MAPT: variants seen among roughly 807,000 people sequenced by gnomAD.
MAPT encodes microtubule-associated protein tau.
MAPT carries 34 observed loss-of-function variants against 67.9 expected under a neutral mutation model. That is an observed-to-expected ratio of 0.50 (90% CI 0.38 to 0.67). MAPT has a LOEUF of 0.67. MAPT is among the 30% of genes least tolerant of loss of function. The pLI is 0.00. For missense variants in MAPT, 881 were observed against 1,115.2 expected (o/e 0.79, Z 2.99); for synonymous variants, 456 against 464.5 (o/e 0.98, Z 0.23).
At chr17:46,015,658 CAAAACA>C (rs546352999) in intron 11 of MAPT, among the ~76,000 whole-genome samples, 127 of 151,986 alleles carry the variant, frequency 8.4e-4, no homozygotes, top group South Asian at 1.9e-3. Context: ...GACTCCGTCT[CAAAACA>C]AAAACAAAAA....
chr17:45,954,397 G>A (rs1163623364), intron 1 of MAPT, among the ~76,000 whole-genome samples: 1 of 152,138 alleles, frequency 6.6e-6, no homozygotes, highest in Non-Finnish European at 1.5e-5. Context: ...CGAGGCAGGC[G>A]GATCGCTTGA....
intron 1 of MAPT, among the ~76,000 whole-genome samples, chr17:45,955,859 C>T (rs968749000): frequency 1.3e-5 from 2 of 152,170 alleles, no homozygotes; most frequent in African/African-American, 2.4e-5. Flanking sequence ...CCTCAGCTTC[C>T]CAAGTAGCTG....
Position 45,971,806 on chromosome 17 carries a change from A to C in MAPT, c.134-53A>C. 7.7e-7 allele frequency: 1 copy of C among 1,291,686 alleles called. No individual in the cohort carries two copies. Among genetic ancestry groups the C allele is most frequent in the East Asian group, 2.3e-5 (1 of 43,384 alleles). 80.0% of individuals were successfully genotyped at this position (1,291,686 alleles called of 1,614,324 possible). ...CTCCCCAGTTCCTCCTGAGAACAAAAGGGGGCGCTGGGGAGAGGCCACCGT... is the reference window on the plus strand; with the variant it reads ...CTCCCCAGTTCCTCCTGAGAACAAACGGGGGCGCTGGGGAGAGGCCACCGT... On this transcript the variant is annotated intron_variant, in intron 2 of 12. Transcript: ENST00000262410. This position sits in a 1 kb window ranked among gnomAD's most constrained non-coding sequence, Gnocchi z 4.3.
At chr17:45,993,905 G>C (rs574105727) in intron 8 of MAPT, 3 of 1,559,722 alleles carry the variant, frequency 1.9e-6, no homozygotes, top group Non-Finnish European at 1.7e-6. Context: ...TAAGGCTTTC[G>C]TGGATTTTTC....
At chr17:45,939,732 CTGAGCGTCGA>C (rs2067686305) in intron 1 of MAPT, among the ~76,000 whole-genome samples, 1 of 152,112 alleles carries the variant, frequency 6.6e-6, no homozygotes, top group Non-Finnish European at 1.5e-5. Context: ...TGACTTCAGC[CTGAGCGTCGA>C]GGACCAAGTC....
At chr17:45,939,938 A>C (rs1409359713) in intron 1 of MAPT, among the ~76,000 whole-genome samples, 1 of 152,180 alleles carries the variant, frequency 6.6e-6, no homozygotes, top group Admixed American at 6.6e-5. Context: ...GACCTAACTC[A>C]CTTTAGCATA....
At chr17:45,926,938 C>CAT (rs745356057) in intron 1 of MAPT, among the ~76,000 whole-genome samples, 36 of 111,738 alleles carry the variant, frequency 3.2e-4, no homozygotes, top group East Asian at 1.4e-3. Flanking sequence ...CATATATACA[C>CAT]ATATATATAC....
chr17:46,006,109 G>A (rs2075390308), intron 9 of MAPT, among the ~76,000 whole-genome samples: 1 of 152,202 alleles, frequency 6.6e-6, no homozygotes, highest in Non-Finnish European at 1.5e-5. Flanking sequence ...GGAAGAATTT[G>A]AGTATCTAAA....
At chr17:45,992,474 G>A (rs17651887) in intron 8 of MAPT, among the ~76,000 whole-genome samples, 22,050 of 152,224 alleles carry the variant, frequency 0.14, 2,140 homozygotes, top group Non-Finnish European at 0.22. Context: ...AAAACCTGAG[G>A]GTCTTAGCTG....
intron 1 of MAPT, among the ~76,000 whole-genome samples, chr17:45,937,862 G>A (rs2067490783): frequency 6.6e-6 from 1 of 152,098 alleles, no homozygotes; most frequent in African/African-American, 2.4e-5. Flanking sequence ...TCCCAGCTGA[G>A]GACTTAGACA....
chr17:45,994,161 A>G (rs1436736361), intron 8 of MAPT, among the ~76,000 whole-genome samples: 1 of 152,158 alleles, frequency 6.6e-6, no homozygotes, highest in Non-Finnish European at 1.5e-5. Flanking sequence ...TGTTTGTCTG[A>G]TGGGCTTTCT....
At chr17:45,990,619 C>T (rs928941810) in intron 7 of MAPT, 17 of 335,628 alleles carry the variant, frequency 5.1e-5, no homozygotes, top group African/African-American at 3.8e-4. Context: ...AAAAACAAAC[C>T]CAAAATTGCT....
At chr17:45,943,328 T>A (rs2144959442) in intron 1 of MAPT, among the ~76,000 whole-genome samples, 1 of 152,252 alleles carries the variant, frequency 6.6e-6, no homozygotes, top group Admixed American at 6.5e-5. Flanking sequence ...GTGCTGGGAT[T>A]ACAGGCATGA....
chr17:45,970,655 C>T (rs1033574400), intron 2 of MAPT, among the ~76,000 whole-genome samples: 3 of 152,226 alleles, frequency 2.0e-5, no homozygotes, highest in African/African-American at 7.2e-5. Context: ...TTGAGGTCAT[C>T]TCACGCATTT....
Position 45,919,517 on chromosome 17 carries a change from G to A in MAPT, c.-18+24831G>A, listed in dbSNP as rs547669598. 1.4e-3 allele frequency among the ~76,000 whole-genome samples: 212 copies of A among 152,300 alleles called. 1 individual carries two copies. Among genetic ancestry groups the A allele is most frequent in the African/African-American group, 4.7e-3 (197 of 41,566 alleles). On this transcript the variant is annotated intron_variant, in intron 1 of 12. Transcript: ENST00000262410. ...TGAGCTCACACCCAGAGCTGGCTCCGATGACCCTGTCTCCTTTACATGTTT... is the reference window on the plus strand; with the variant it reads ...TGAGCTCACACCCAGAGCTGGCTCCAATGACCCTGTCTCCTTTACATGTTT...
chr17:46,018,585 T>C (rs2076334030), intron 11 of MAPT, 33 bp from the exon 12 acceptor site: 1 of 1,452,616 alleles, frequency 6.9e-7, no homozygotes, highest in African/African-American at 1.4e-5. Flanking sequence ...CAGAAGATGA[T>C]GGCAAGATGC....
chr17:45,946,615 A>AAATATATATATATATAT, intron 1 of MAPT, among the ~76,000 whole-genome samples: 3 of 100,408 alleles, frequency 3.0e-5, no homozygotes, highest in African/African-American at 8.7e-5. Context: ...AAAAAAAAAA[A>AAATATATATATATATAT]ATATATATAT....
At chr17:45,969,613 T>TCATA in intron 2 of MAPT, among the ~76,000 whole-genome samples, 3 of 138,060 alleles carry the variant, frequency 2.2e-5, no homozygotes, top group Middle Eastern at 4.1e-3. Context: ...ATCCATCCAA[T>TCATA]CATATATCTG....
chr17:46,016,975 G>A (rs1040324121), intron 11 of MAPT, among the ~76,000 whole-genome samples: 2 of 152,132 alleles, frequency 1.3e-5, no homozygotes, highest in African/African-American at 2.4e-5. Flanking sequence ...AGTCCAGAGC[G>A]GGGACTTCTG....
Sources: gnomAD v4.1 joint callset for allele counts (sites outside exome capture counted in the v4.1 genomes callset) on GRCh38, gnomAD v4.1.1 for gene constraint, Gnocchi (gnomAD v3.1) non-coding constraint, MANE v1.5 for transcripts, NCBI Gene and HGNC (gene_info 2026-07-23, HGNC 2026-07-21) for gene names.